The following LUZP2 variants were observed in gnomAD, a reference collection of about 807,000 sequenced individuals.
LUZP2 encodes leucine zipper protein 2.
LUZP2 carries 52 observed loss-of-function variants against 51.6 expected under a neutral mutation model. The ratio of observed to expected loss-of-function variants is 1.01; its 90% CI spans 0.81 to 1.27. The LOEUF (loss-of-function observed/expected upper bound fraction) is 1.27, where lower values mean the gene tolerates loss of function less well. Ranked by LOEUF, LUZP2 falls within the 50% of genes most tolerant of loss-of-function variation. The pLI is 0.00. For synonymous variants in LUZP2, 154 were observed against 137.3 expected (o/e 1.12, Z -0.85); for missense variants, 436 against 395.4 (o/e 1.10, Z -0.87).
At chr11:24,629,280 C>T (rs182104099) in intron 1 of LUZP2, among the ~76,000 whole-genome samples, 24 of 151,766 alleles carry the variant, frequency 1.6e-4, no homozygotes, top group East Asian at 1.4e-3. Context: ...ACATACTCTA[C>T]GTTCATATGT....
intron 7 of LUZP2, among the ~76,000 whole-genome samples, chr11:24,965,197 C>T (rs564461634): frequency 6.7e-6 from 1 of 150,302 alleles, no homozygotes; most frequent in Non-Finnish European, 1.5e-5. Flanking sequence ...CATTCTTCCT[C>T]TCTGCATAAT....
chr11:24,688,759 G>A (rs754138074), intron 1 of LUZP2, among the ~76,000 whole-genome samples: 7 of 152,094 alleles, frequency 4.6e-5, no homozygotes, highest in Admixed American at 1.3e-4. Flanking sequence ...TCACATAAGA[G>A]AGCCCTAATA....
intron 5 of LUZP2, among the ~76,000 whole-genome samples, chr11:24,890,408 T>C (rs1208031682): frequency 6.6e-6 from 1 of 152,348 alleles, no homozygotes; most frequent in Non-Finnish European, 1.5e-5. Context: ...TGTTTTCAGA[T>C]ATTCTAGCAG....
At chr11:24,849,143 T>G (rs1023261214) in intron 5 of LUZP2, among the ~76,000 whole-genome samples, 15 of 152,156 alleles carry the variant, frequency 9.9e-5, no homozygotes, top group Non-Finnish European at 1.9e-4. Context: ...TCTTTTTTAT[T>G]ATTATACTTT....
intron 1 of LUZP2, among the ~76,000 whole-genome samples, chr11:24,520,380 C>G (rs1423157106): frequency 6.6e-6 from 1 of 152,120 alleles, no homozygotes; most frequent in East Asian, 1.9e-4. Context: ...TCTGTAGTTG[C>G]ATTTGGACAC....
chr11:25,016,281 A>T (rs1336433072), intron 9 of LUZP2, among the ~76,000 whole-genome samples: 2 of 151,996 alleles, frequency 1.3e-5, no homozygotes, highest in Non-Finnish European at 2.9e-5. Context: ...CCAACATATA[A>T]TTATTTATCC....
chr11:24,571,062 C>G (rs147994686), intron 1 of LUZP2, among the ~76,000 whole-genome samples: 3 of 152,140 alleles, frequency 2.0e-5, no homozygotes, highest in Non-Finnish European at 2.9e-5. Flanking sequence ...AAATAGACTA[C>G]TATTCCACAA....
chr11:24,809,371 G>A lies in LUZP2; in HGVS notation c.396+46063G>A, dbSNP rs2029196. On this transcript the variant is annotated intron_variant, in intron 5 of 11. Coordinates refer to ENST00000336930, the MANE Select transcript of LUZP2 (RefSeq NM_001009909.4). Reference sequence around the variant, plus strand: ...TGTTGACATGTCACAGATGATCATTGAGTTAGTTTCCTTTTTACTGCACAC... The same window carrying A: ...TGTTGACATGTCACAGATGATCATTAAGTTAGTTTCCTTTTTACTGCACAC... 8.5e-3 allele frequency among the ~76,000 whole-genome samples: 1,300 copies of A among 152,092 alleles called. 19 individuals are homozygous for A. Among genetic ancestry groups the A allele is most frequent in the African/African-American group, 0.029 (1,212 of 41,496 alleles).
At chr11:24,878,763 C>T (rs1028949295) in intron 5 of LUZP2, among the ~76,000 whole-genome samples, 4 of 151,676 alleles carry the variant, frequency 2.6e-5, no homozygotes, top group African/African-American at 7.3e-5. Flanking sequence ...TCTATGTTCC[C>T]TCCTTTTGCC....
intron 1 of LUZP2, among the ~76,000 whole-genome samples, chr11:24,548,749 TGAAG>T (rs1851635954): frequency 6.6e-6 from 1 of 151,874 alleles, no homozygotes; most frequent in Non-Finnish European, 1.5e-5. Context: ...GAAAATAACA[TGAAG>T]GGAGAAGTTT....
chr11:24,931,175 C>T (rs948739504), intron 7 of LUZP2, among the ~76,000 whole-genome samples: 11 of 151,532 alleles, frequency 7.3e-5, no homozygotes, highest in African/African-American at 2.7e-4. Context: ...CACGCCACTG[C>T]ACTCCAGTCT....
chr11:25,023,191 T>C (rs1297841646), intron 9 of LUZP2, among the ~76,000 whole-genome samples: 3 of 152,190 alleles, frequency 2.0e-5, no homozygotes, highest in Admixed American at 2.0e-4. Context: ...TTCCCTCTTT[T>C]TCTATTGATT....
At chr11:24,850,777 G>C (rs746931502) in intron 5 of LUZP2, among the ~76,000 whole-genome samples, 4 of 152,090 alleles carry the variant, frequency 2.6e-5, no homozygotes, top group Non-Finnish European at 5.9e-5. Flanking sequence ...CCATTTGTTT[G>C]TGTCCTCTCT....
At chr11:25,019,797 G>A (rs1381489881) in intron 9 of LUZP2, among the ~76,000 whole-genome samples, 1 of 151,994 alleles carries the variant, frequency 6.6e-6, no homozygotes. Context: ...GGTTTCTTGA[G>A]GCTACTGTCA....
intron 5 of LUZP2, chr11:24,891,279 G>A (rs1852845112): frequency 1.0e-6 from 1 of 982,898 alleles, no homozygotes; most frequent in Admixed American, 6.2e-5. Flanking sequence ...ATTAGTCATA[G>A]CAATTCTACT....
chr11:24,554,609 G>C lies in LUZP2; in HGVS notation c.62+57304G>C, dbSNP rs541261016. On this transcript the variant is annotated intron_variant, in intron 1 of 11. Coordinates refer to ENST00000336930, the MANE Select transcript of LUZP2 (RefSeq NM_001009909.4). ...GCATTTTTGTTAAAATGTTTCATGA[G>C]TGAATGATCATTATTGATTAATTAT... Among the ~76,000 whole-genome samples the C allele has an allele frequency of 9.2e-5, 14 of 151,608 alleles. No homozygotes were observed. In the East Asian group the frequency reaches 2.5e-3, roughly 27 times the overall value.
chr11:24,949,733 A>G (rs1855021010), intron 7 of LUZP2, among the ~76,000 whole-genome samples: 1 of 151,654 alleles, frequency 6.6e-6, no homozygotes, highest in Non-Finnish European at 1.5e-5. Flanking sequence ...CTGCCTCAGA[A>G]GGTTCGAGTT....
intron 10 of LUZP2, among the ~76,000 whole-genome samples, chr11:25,062,613 A>AAAAAG (rs10676930): frequency 6.8e-6 from 1 of 147,094 alleles, no homozygotes. Flanking sequence ...AAAAAAAAAA[A>AAAAAG]GAAAGGAAAG....
intron 10 of LUZP2, among the ~76,000 whole-genome samples, chr11:25,072,007 A>G (rs773493109): frequency 1.3e-5 from 2 of 152,090 alleles, no homozygotes; most frequent in Admixed American, 6.6e-5. Context: ...TATTGATTTT[A>G]TGTTTTAAAA....
Sources: gnomAD v4.1 joint callset for allele counts (sites outside exome capture counted in the v4.1 genomes callset) on GRCh38, gnomAD v4.1.1 for gene constraint, MANE v1.5 for transcripts, NCBI Gene and HGNC (gene_info 2026-07-23, HGNC 2026-07-21) for gene names.